The following TTC39B variants were observed in gnomAD, a reference collection of about 807,000 sequenced individuals.
TTC39B encodes tetratricopeptide repeat domain 39B.
In TTC39B, 92 loss-of-function variants were observed where a neutral mutation model predicts 96.6. The ratio of observed to expected loss-of-function variants is 0.95; its 90% CI spans 0.80 to 1.13. The LOEUF (loss-of-function observed/expected upper bound fraction) is 1.13. Among genes scored for constraint, TTC39B ranks in the 50% most tolerant of loss-of-function variants. The pLI, the probability that TTC39B is intolerant of heterozygous loss-of-function variation, is 0.00. For missense variants in TTC39B, 955 were observed against 809.3 expected, an observed-to-expected ratio of 1.18 and a Z score of -2.18; for synonymous variants, 367 against 299.4, an observed-to-expected ratio of 1.23 and a Z score of -2.33.
intron 2 of TTC39B, among the ~76,000 whole-genome samples, chr9:15,237,563 A>G: frequency 6.6e-6 from 1 of 151,880 alleles, no homozygotes; most frequent in Non-Finnish European, 1.5e-5. Context: ...AAACATACAA[A>G]CTCCCAAGAT....
At chr9:15,258,014 C>G (rs1214278711) in intron 2 of TTC39B, among the ~76,000 whole-genome samples, 1 of 151,928 alleles carries the variant, frequency 6.6e-6, no homozygotes, top group African/African-American at 2.4e-5. Flanking sequence ...GAGCCGAGTT[C>G]GTACCACTGC....
chr9:15,265,319 G>A (rs566287120), intron 2 of TTC39B, among the ~76,000 whole-genome samples: 1 of 152,296 alleles, frequency 6.6e-6, no homozygotes, highest in Non-Finnish European at 1.5e-5. Flanking sequence ...ACTGCTCAGG[G>A]GTCACACTGC....
chr9:15,303,104 G>T (rs1824653094), intron 1 of TTC39B, among the ~76,000 whole-genome samples: 1 of 151,994 alleles, frequency 6.6e-6, no homozygotes, highest in African/African-American at 2.4e-5. Context: ...GGAGGCAGAG[G>T]TTGCAGTGAG....
intron 3 of TTC39B, among the ~76,000 whole-genome samples, chr9:15,218,251 T>C (rs1226631391): frequency 6.6e-6 from 1 of 151,122 alleles, no homozygotes; most frequent in Non-Finnish European, 1.5e-5. Context: ...TATAGCATGA[T>C]GTAAATAATG....
intron 2 of TTC39B, among the ~76,000 whole-genome samples, chr9:15,241,957 G>A (rs1433326419): frequency 1.3e-5 from 2 of 151,926 alleles, no homozygotes; most frequent in African/African-American, 4.8e-5. Flanking sequence ...TATTGGTCAC[G>A]CTGGTCTCAA....
chr9:15,302,496 C>G (rs1358761164), intron 1 of TTC39B, among the ~76,000 whole-genome samples: 1 of 140,040 alleles, frequency 7.1e-6, no homozygotes, highest in East Asian at 2.1e-4. Context: ...ACATGCATCA[C>G]GCCACTGCAC....
chr9:15,243,217 G>A (rs536164802), intron 2 of TTC39B, among the ~76,000 whole-genome samples: 5 of 152,216 alleles, frequency 3.3e-5, no homozygotes, highest in African/African-American at 9.6e-5. Flanking sequence ...CAGAGTTTAA[G>A]TTTTTACTTA....
At chr9:15,260,930 G>A (rs1361702287) in intron 2 of TTC39B, among the ~76,000 whole-genome samples, 1 of 152,096 alleles carries the variant, frequency 6.6e-6, no homozygotes, top group South Asian at 2.1e-4. Flanking sequence ...GGATTCCATT[G>A]AACACATATG....
intron 1 of TTC39B, among the ~76,000 whole-genome samples, chr9:15,287,945 C>CAAAAAAAAAAAAAAAAA (rs762069142): frequency 1.5e-5 from 1 of 68,952 alleles, no homozygotes; most frequent in Admixed American, 2.0e-4. Flanking sequence ...GACTCCATCT[C>CAAAAAAAAAAAAAAAAA]AAAAAAAAAA....
At chr9:15,204,334 G>A (rs1819720369) in intron 6 of TTC39B, among the ~76,000 whole-genome samples, 1 of 152,080 alleles carries the variant, frequency 6.6e-6, no homozygotes, top group Admixed American at 6.6e-5. Context: ...ATCGAGACCA[G>A]CCTGACCAAC....
At chr9:15,210,152 T>C (rs762726772) in exon 6 of TTC39B, 2 of 1,599,330 alleles carry the variant, frequency 1.3e-6, no homozygotes, top group Middle Eastern at 1.7e-4. Flanking sequence ...CAACTGTGTA[T>C]TTTTTCCTGT....
exon 20 of TTC39B, chr9:15,167,030 T>TA (rs1817542797): frequency 6.9e-5 from 1 of 14,542 alleles, no homozygotes; most frequent in African/African-American, 2.0e-4. Flanking sequence ...ATATATATAT[T>TA]TTTTTTTTTT....
chr9:15,262,785 A>T (rs1199305988), intron 2 of TTC39B, among the ~76,000 whole-genome samples: 3 of 152,214 alleles, frequency 2.0e-5, no homozygotes, highest in Non-Finnish European at 2.9e-5. Context: ...ACTGGAAGAA[A>T]TTAATCATCA....
At position 15,207,916 on chromosome 9, in the gene TTC39B, G is replaced by A. The variant is rs555169977; in HGVS notation, c.691+2172C>T. Reference sequence around the variant, plus strand: ...GAAGAATGGTGTGAACCTGGGAGGCGGAGCTTGCAGTGAGCTGAGATCATG... The same window carrying A: ...GAAGAATGGTGTGAACCTGGGAGGCAGAGCTTGCAGTGAGCTGAGATCATG... On this transcript the variant is annotated intron_variant, in intron 6 of 19. Transcript: ENST00000512701. 4.9e-4 allele frequency among the ~76,000 whole-genome samples: 72 copies of A among 148,402 alleles called. No homozygotes were observed. The East Asian group carries it at 5.0e-3, about 10-fold the overall frequency.
chr9:15,261,442 T>C (rs985449387), intron 2 of TTC39B, among the ~76,000 whole-genome samples: 15 of 151,434 alleles, frequency 9.9e-5, no homozygotes, highest in African/African-American at 3.4e-4. Context: ...GCCACTACAC[T>C]CTAGCCTGGG....
At position 15,306,932 on chromosome 9, in the gene TTC39B, G is replaced by T. The variant is rs1267601448; in HGVS notation, c.240+152C>A. The T allele has an allele frequency of 2.8e-6, 3 of 1,083,538 alleles. No individual in the cohort carries two copies. Among genetic ancestry groups the T allele is most frequent in the South Asian group, 1.6e-5 (1 of 62,634 alleles). The allele number at this position is 1,083,538 out of a possible 1,614,324, so 67.1% of individuals were successfully genotyped here. A position where few individuals can be genotyped will look rare whatever the true frequency, so the allele number is the denominator to read the frequency against. On this transcript the variant is annotated intron_variant, in intron 1 of 19. Transcript: ENST00000512701. This position sits in a 1 kb window ranked among gnomAD's most constrained non-coding sequence, Gnocchi z 5.1. ...GCTCCAGCGGGGACAGACCTACCAA[G>T]GCCGGGCGCCCCCACCCGGCGCCCG...
At chr9:15,191,328 TAC>T in intron 9 of TTC39B, 73 bp from the exon 10 acceptor site, 1 of 1,071,316 alleles carries the variant, frequency 9.3e-7, no homozygotes. Context: ...ACTAACAACT[TAC>T]AGTTTTAATG....
intron 17 of TTC39B, among the ~76,000 whole-genome samples, chr9:15,179,279 G>C (rs950688687): frequency 3.9e-5 from 6 of 152,330 alleles, no homozygotes; most frequent in African/African-American, 1.4e-4. Flanking sequence ...GAGGACGGCA[G>C]TAAAGGGAAC....
At chr9:15,184,315 A>G (rs1818404367) in intron 16 of TTC39B, among the ~76,000 whole-genome samples, 1 of 151,996 alleles carries the variant, frequency 6.6e-6, no homozygotes, top group Non-Finnish European at 1.5e-5. Context: ...ACAGAGAATT[A>G]TATGCACATG....
Sources: gnomAD v4.1 joint callset for allele counts (sites outside exome capture counted in the v4.1 genomes callset) on GRCh38, gnomAD v4.1.1 for gene constraint, Gnocchi (gnomAD v3.1) non-coding constraint, MANE v1.5 for transcripts, NCBI Gene and HGNC (gene_info 2026-07-23, HGNC 2026-07-21) for gene names.